Variants in COL6A1 observed in about 807,000 individuals in gnomAD.
COL6A1 encodes collagen type VI alpha 1 chain.
COL6A1 carries 80 observed loss-of-function variants against 145.6 expected under a neutral mutation model. The ratio of observed to expected loss-of-function variants is 0.55; its 90% CI spans 0.46 to 0.66. The LOEUF is 0.66. COL6A1 is among the 30% of genes least tolerant of loss of function. The pLI is 0.00. For synonymous variants in COL6A1, 638 were observed against 622.8 expected (o/e 1.02, Z -0.36); for missense variants, 1,364 against 1,473.8 (o/e 0.93, Z 1.22).
chr21:46,000,753 C>T lies in COL6A1; in HGVS notation c.1814-6C>T, dbSNP rs182804464. 8.1e-6 allele frequency: 13 copies of T among 1,613,836 alleles called. No individual in the cohort carries two copies. In the African/African-American group the frequency reaches 1.2e-4, roughly 15 times the overall value. Reference sequence around the variant, plus strand: ...TGGTCTAACTGACTCTTTCTCTTCTCCTCAGCTTGCTGTGGTGAGACCCAG... The same window carrying T: ...TGGTCTAACTGACTCTTTCTCTTCTTCTCAGCTTGCTGTGGTGAGACCCAG... On this transcript the variant is annotated splice_region_variant and splice_polypyrimidine_tract_variant and intron_variant, in intron 28 of 34. Coordinates refer to ENST00000361866, the MANE Select transcript of COL6A1 (RefSeq NM_001848.3).
Position 45,994,782 on chromosome 21 carries a change from G to A in COL6A1, c.1398+553G>A, listed in dbSNP as rs959432616. 1.3e-5 allele frequency among the ~76,000 whole-genome samples: 2 copies of A among 152,226 alleles called. No homozygotes were observed. Among genetic ancestry groups the A allele is most frequent in the Non-Finnish European group, 1.5e-5 (1 of 68,036 alleles). On this transcript the variant is annotated intron_variant, in intron 20 of 34. Coordinates refer to ENST00000361866, the MANE Select transcript of COL6A1 (RefSeq NM_001848.3). The surrounding 1 kb of genome is among the most constrained non-coding windows in gnomAD (Gnocchi z 6.8). ...CCCCCATTCTGATGACTGCCATGAT[G>A]GTGGCTCCAGTGTGGTGTTGCCCGC...
chr21:45,981,816 C>G lies in COL6A1; in HGVS notation c.-35C>G. ...GGCGGCGGCGGCGGCCCACTCTGCC[C>G]TGGCCGCGCTGTGTGGTGACCGCAG... On this transcript the variant is annotated 5_prime_UTR_variant, in exon 1 of 35. Transcript: ENST00000361866. 6.5e-7 allele frequency: 1 copy of G among 1,528,292 alleles called. No individual in the cohort carries two copies. Among genetic ancestry groups the G allele is most frequent in the Non-Finnish European group, 8.8e-7 (1 of 1,131,018 alleles). The allele number at this position is 1,528,292 out of a possible 1,614,324, so 94.7% of individuals were successfully genotyped here.
intron 31 of COL6A1, 32 bp from the exon 32 acceptor site, chr21:46,002,186 C>A: frequency 6.3e-7 from 1 of 1,579,626 alleles, no homozygotes; most frequent in East Asian, 2.3e-5. Flanking sequence ...AGGCCTGGCC[C>A]CAACCGGCCC....
chr21:45,987,381 G>A (rs567032530), intron 6 of COL6A1, 118 bp from the exon 7 acceptor site: 23 of 1,513,416 alleles, frequency 1.5e-5, no homozygotes, highest in Middle Eastern at 1.7e-4. Context: ...ACATGTGTCC[G>A]CCTGTGCGTC....
rs58559163 is a variant in COL6A1, at chr21:45,997,233, CCAGGCCCTTCGTG to C, written c.1399-175_1399-163del. On this transcript the variant is annotated intron_variant, in intron 20 of 34. Coordinates refer to ENST00000361866, the MANE Select transcript of COL6A1 (RefSeq NM_001848.3). ...CACCGAAGGGCTTCAACACTTGTGCCCAGGCCCTTCGTGCAGGCCCTTCGTCAGACCCAAGAGT... is the reference window on the plus strand; with the variant it reads ...CACCGAAGGGCTTCAACACTTGTGCCCAGGCCCTTCGTCAGACCCAAGAGT... 0.35 allele frequency among the ~76,000 whole-genome samples: 52,292 copies of C among 151,176 alleles called. 9,555 individuals carry two copies. Among genetic ancestry groups the C allele is most frequent in the East Asian group, 0.63 (3,165 of 5,016 alleles).
At chr21:45,986,874 C>T (rs2077742141) in intron 4 of COL6A1, 70 bp from the exon 5 acceptor site, 4 of 1,533,752 alleles carry the variant, frequency 2.6e-6, no homozygotes, top group Admixed American at 2.0e-5. Flanking sequence ...TCCCCTCTGG[C>T]CCTGTGGGAA....
At chr21:45,992,479 C>G in intron 18 of COL6A1, 81 bp downstream of exon 18, 1 of 1,517,540 alleles carries the variant, frequency 6.6e-7, no homozygotes. Flanking sequence ...GTCTGGCCCT[C>G]CCAGCACTGA....
At chr21:45,999,514 G>A in intron 26 of COL6A1, 143 bp from the exon 27 acceptor site, 1 of 947,730 alleles carries the variant, frequency 1.1e-6, no homozygotes, top group Non-Finnish European at 1.6e-6. Context: ...CACCGTCACT[G>A]GAGGACGAGG....
chr21:45,981,960 T>G lies in COL6A1; in HGVS notation c.97+13T>G. 11 of 1,593,458 alleles carry G rather than the reference T, an allele frequency of 6.9e-6. No individual in the cohort carries two copies. Among genetic ancestry groups the G allele is most frequent in the Non-Finnish European group, 9.4e-6 (11 of 1,168,190 alleles). The stretch of plus-strand genomic sequence containing the variant: ...GTGGCCTTCCAGGGTGAGTGGTGGC[T>G]TGGGGTGCAGGCTCCAGACCCCCCG... On this transcript the variant is annotated intron_variant, in intron 1 of 34. Transcript: ENST00000361866.
At chr21:45,982,441 G>C (rs1404763705) in intron 1 of COL6A1, among the ~76,000 whole-genome samples, 193 bp from the exon 2 acceptor site, 1 of 152,328 alleles carries the variant, frequency 6.6e-6, no homozygotes, top group East Asian at 1.9e-4. Context: ...GCACAGGAGC[G>C]GTTTGGGGTC....
At position 46,003,446 on chromosome 21, in the gene COL6A1, G is replaced by C; in HGVS notation, c.2520G>C (p.Val840=). ...TCCTGCTGGACGGCTCCGCCAGCGT[G>C]GGCAGCCACAACTTTGACACCACCA... The part of the protein sequence containing the change: ...ITILLDGSAS[V]GSHNFDTTKR... Residue 840 remains valine (V), a synonymous_variant, in exon 35 of 35, where the codon GTG becomes GTC. Coordinates refer to ENST00000361866, the MANE Select transcript of COL6A1 (RefSeq NM_001848.3). 6.2e-7 allele frequency: 1 copy of C among 1,605,294 alleles called. No homozygotes were observed. Among genetic ancestry groups the C allele is most frequent in the Non-Finnish European group, 8.5e-7 (1 of 1,179,696 alleles).
Position 46,003,763 on chromosome 21 carries a change from A to C in COL6A1, c.2837A>C (p.Asn946Thr). The change falls in exon 35 of 35, where the codon AAC (asparagine) becomes ACC (threonine). Residue 946 changes from asparagine to threonine, a missense_variant. Asn to Thr is a moderately conservative substitution (Grantham distance 65). This residue lies in a region of COL6A1 where 938 missense variants were observed against 1,003.8 expected (regional missense o/e 0.93). Coordinates refer to ENST00000361866, the MANE Select transcript of COL6A1 (RefSeq NM_001848.3). ...KKRLLLFSDG[N>T]SQGATPAAIE... Reference sequence around the variant, plus strand: ...AGGCTGCTGCTCTTCTCAGATGGCAACTCGCAGGGCGCCACGCCCGCTGCC... The same window carrying C: ...AGGCTGCTGCTCTTCTCAGATGGCACCTCGCAGGGCGCCACGCCCGCTGCC... 1 of 1,612,640 alleles carries C rather than the reference A, an allele frequency of 6.2e-7. No homozygotes were observed.
In COL6A1 at chr21:46,002,704, T is replaced by C. The variant is rs779456126; in HGVS notation, c.2428T>C (p.Cys810Arg). The C allele has an allele frequency of 6.2e-7, 1 of 1,612,494 alleles. No individual in the cohort carries two copies. The highest frequency in any genetic ancestry group is 8.5e-7 in the Non-Finnish European group (1 of 1,179,438). The change falls in exon 33 of 35, where the codon TGC becomes CGC. Residue 810 changes from cysteine to arginine, a missense_variant. Around this residue, in one of 3 missense-constraint regions of COL6A1, gnomAD observed 938 missense variants for 1,003.8 expected, o/e 0.93. Coordinates refer to ENST00000361866, the MANE Select transcript of COL6A1 (RefSeq NM_001848.3). ...AFLKNVTAQI[C>R]IDKKCPDYTC... The stretch of plus-strand genomic sequence containing the variant: ...CCTGAAGAATGTCACCGCCCAGATC[T>C]GCATAGGTGCGCATGGGGCCACCCG...
Position 46,003,580 on chromosome 21 carries a change from GC to G in COL6A1, c.2657del (p.Pro886GlnfsTer38). On this transcript the variant is annotated frameshift_variant, in exon 35 of 35. Coordinates refer to ENST00000361866, the MANE Select transcript of COL6A1 (RefSeq NM_001848.3). LOFTEE classifies it high-confidence loss of function. ...CAGTACAGCGGCACGGGCCAGCAGC[GC>G]CCAGAGCGGGCGTCGCTGCAGTTCC... is the stretch of plus-strand genomic sequence containing the variant. ...VVQYSGTGQQRPERASLQFLQ... is the reference protein window; with the variant it reads ...VVQYSGTGQQXPERASLQFLQ... 1 of 1,612,716 alleles carries G rather than the reference GC, an allele frequency of 6.2e-7. No homozygotes were observed. The highest frequency in any genetic ancestry group is 8.5e-7 in the Non-Finnish European group (1 of 1,179,778).
chr21:45,989,841 G>C, intron 11 of COL6A1, 63 bp downstream of exon 11: 1 of 1,603,610 alleles, frequency 6.2e-7, no homozygotes, highest in Non-Finnish European at 8.5e-7. Flanking sequence ...CTGGACGAGG[G>C]TGTCCCCGGG....
At chr21:45,990,134 C>T (rs941504095) in intron 11 of COL6A1, 124 bp from the exon 12 acceptor site, 15 of 1,215,988 alleles carry the variant, frequency 1.2e-5, no homozygotes, top group Non-Finnish European at 1.6e-5. Flanking sequence ...CCATGATTCT[C>T]AGCAGTGATG....
At chr21:45,995,822 C>T (rs1033519003) in intron 20 of COL6A1, among the ~76,000 whole-genome samples, 2 of 152,218 alleles carry the variant, frequency 1.3e-5, no homozygotes, top group Non-Finnish European at 2.9e-5. Context: ...CTGAGGCAGG[C>T]ACTTGTTCAC....
chr21:45,989,004 CT>C, intron 8 of COL6A1, 79 bp from the exon 9 acceptor site: 1 of 1,552,446 alleles, frequency 6.4e-7, no homozygotes, highest in Non-Finnish European at 8.8e-7. Flanking sequence ...GATGAAGCGT[CT>C]TTTTAAAAAC....
intron 12 of COL6A1, 22 bp downstream of exon 12, chr21:45,990,306 G>T (rs369103301): frequency 1.2e-5 from 19 of 1,612,794 alleles, no homozygotes; most frequent in East Asian, 6.7e-5. Flanking sequence ...CTGCTGGGAG[G>T]GGGGAGTTCT....
Sources: allele counts gnomAD v4.1 joint callset (sites outside exome capture counted in the v4.1 genomes callset), GRCh38; gene constraint gnomAD v4.1.1; regional missense constraint gnomAD v4.1.1; non-coding constraint Gnocchi (gnomAD v3.1); transcripts MANE v1.5; gene names NCBI Gene and HGNC (gene_info 2026-07-23, HGNC 2026-07-21).